Variants in TASOR observed in about 807,000 individuals in gnomAD.
The protein encoded by TASOR is transcription activation suppressor.
A neutral mutation model predicts 178.6 loss-of-function variants in TASOR; 53 were observed. The ratio of observed to expected loss-of-function variants is 0.30; its 90% CI spans 0.24 to 0.37. The LOEUF (loss-of-function observed/expected upper bound fraction) is 0.37. Among genes scored for constraint, TASOR ranks in the 10% least tolerant of loss-of-function variants. TASOR has a pLI of 1.00. For missense variants in TASOR, 1,815 were observed against 1,971.4 expected (o/e 0.92, Z 1.50); for synonymous variants, 713 against 696.2 (o/e 1.02, Z -0.38).
At chr3:56,642,883 G>A (rs2077155548) in intron 14 of TASOR, among the ~76,000 whole-genome samples, 3 of 152,156 alleles carry the variant, frequency 2.0e-5, no homozygotes, top group South Asian at 4.1e-4. Flanking sequence ...GGCTGAGGCA[G>A]GAGAATCACT....
rs2076343450 is a variant in TASOR, at chr3:56,620,669, G to T, written c.*2368C>A. ...ATTTGAAGACAAACAGGGTTACTAA[G>T]AGTTTTACATAAGTTATTTCTTTAG... On this transcript the variant is annotated 3_prime_UTR_variant, in exon 24 of 24. Transcript: ENST00000683822. 1 of 152,160 alleles carries T rather than the reference G, an allele frequency of 6.6e-6. No individual in the cohort carries two copies. The highest frequency in any genetic ancestry group is 1.5e-5 in the Non-Finnish European group (1 of 68,016). The allele number at this position is 152,160 out of a possible 1,614,324, so 9.4% of individuals were successfully genotyped here. A position where few individuals can be genotyped will look rare whatever the true frequency, so the allele number is the denominator to read the frequency against.
chr3:56,652,270 G>A (rs1315101477), intron 11 of TASOR, among the ~76,000 whole-genome samples: 1 of 152,120 alleles, frequency 6.6e-6, no homozygotes, highest in Non-Finnish European at 1.5e-5. Flanking sequence ...AAAAAACATA[G>A]AATTATATAC....
intron 13 of TASOR, among the ~76,000 whole-genome samples, chr3:56,647,951 C>G (rs1411056348): frequency 6.6e-6 from 1 of 152,276 alleles, no homozygotes; most frequent in Admixed American, 6.5e-5. Flanking sequence ...CTAATCCCAG[C>G]AGCTTGGGAG....
At chr3:56,673,558 G>T in intron 2 of TASOR, 22 bp downstream of exon 2, 1 of 1,503,952 alleles carries the variant, frequency 6.6e-7, no homozygotes. Flanking sequence ...CAATCTTACA[G>T]TAAGTATAAT....
In TASOR at chr3:56,649,060, G is replaced by A. The variant is rs1282893495; in HGVS notation, c.1369-3C>T. 1 of 1,597,232 alleles carries A rather than the reference G, an allele frequency of 6.3e-7. No homozygotes were observed. On this transcript the variant is annotated splice_region_variant and splice_polypyrimidine_tract_variant and intron_variant, in intron 11 of 23. Coordinates refer to ENST00000683822, the MANE Select transcript of TASOR (RefSeq NM_001365635.2). ...TCTCCCAAAGGTTTAACAAGAACCT[G>A]TATTTTGAGGGGAAGGAAGAAGTTG...
At chr3:56,682,575 T>C (rs566088792) in intron 1 of TASOR, 101 bp downstream of exon 1, 2 of 1,100,826 alleles carry the variant, frequency 1.8e-6, no homozygotes, top group Admixed American at 3.4e-5. Flanking sequence ...TGCATGCGTG[T>C]TTACGTATCT....
chr3:56,667,478 C>A (rs563013560), intron 6 of TASOR, among the ~76,000 whole-genome samples: 10 of 151,908 alleles, frequency 6.6e-5, no homozygotes, highest in African/African-American at 2.2e-4. Context: ...CATGGTGAAA[C>A]CCCATCTCTA....
chr3:56,620,252 G>A lies in TASOR; in HGVS notation c.*2785C>T, dbSNP rs556101726. ...ACAAATTCTTAGCAATGTGGCCCAC[G>A]CTTTTTAAAAAATTGACGTGTTGGC... On this transcript the variant is annotated 3_prime_UTR_variant, in exon 24 of 24. Coordinates refer to ENST00000683822, the MANE Select transcript of TASOR (RefSeq NM_001365635.2). The A allele has an allele frequency of 9.5e-5, 15 of 158,326 alleles. No homozygotes were observed. In the East Asian group the frequency reaches 2.5e-3, roughly 27 times the overall value. 9.8% of individuals were successfully genotyped at this position (158,326 alleles called of 1,614,324 possible).
At chr3:56,681,117 T>C (rs958319107) in intron 1 of TASOR, among the ~76,000 whole-genome samples, 7 of 151,196 alleles carry the variant, frequency 4.6e-5, no homozygotes, top group Non-Finnish European at 1.5e-5. Flanking sequence ...TCACGGTTTG[T>C]CCATATTCTT....
At chr3:56,628,125 T>A (rs181316687) in intron 19 of TASOR, among the ~76,000 whole-genome samples, 1 of 152,158 alleles carries the variant, frequency 6.6e-6, no homozygotes, top group African/African-American at 2.4e-5. Flanking sequence ...TAAGACTAGA[T>A]GGGATACCTC....
At chr3:56,666,842 G>A (rs1280860466) in intron 6 of TASOR, among the ~76,000 whole-genome samples, 3 of 152,128 alleles carry the variant, frequency 2.0e-5, no homozygotes, top group Non-Finnish European at 4.4e-5. Flanking sequence ...AAAAGAATCT[G>A]AACATAGGTG....
At chr3:56,652,122 C>A (rs980257960) in intron 11 of TASOR, among the ~76,000 whole-genome samples, 4 of 152,160 alleles carry the variant, frequency 2.6e-5, no homozygotes, top group Admixed American at 2.0e-4. Context: ...ATGTTCAGAG[C>A]AGATAAATCC....
intron 1 of TASOR, among the ~76,000 whole-genome samples, chr3:56,674,772 C>G (rs1322386917): frequency 6.6e-6 from 1 of 152,172 alleles, no homozygotes; most frequent in African/African-American, 2.4e-5. Flanking sequence ...ACATGCCACA[C>G]TAGACAACAC....
Position 56,623,031 on chromosome 3 carries a change from C to A in TASOR, c.*6G>T. 10 of 1,500,032 alleles carry A rather than the reference C, an allele frequency of 6.7e-6. No individual in the cohort carries two copies. Among genetic ancestry groups the A allele is most frequent in the Non-Finnish European group, 8.9e-6 (10 of 1,125,610 alleles). 92.9% of individuals were successfully genotyped at this position (1,500,032 alleles called of 1,614,324 possible). Reference sequence around the variant, plus strand: ...CAACAATCTCTTAAAAAAAAAGTTACTACAGTTATTTCTCTTGTGAATATG... The same window carrying A: ...CAACAATCTCTTAAAAAAAAAGTTAATACAGTTATTTCTCTTGTGAATATG... On this transcript the variant is annotated 3_prime_UTR_variant, in exon 24 of 24. Transcript: ENST00000683822.
chr3:56,653,710 T>C (rs1246770863), intron 11 of TASOR, among the ~76,000 whole-genome samples: 1 of 152,064 alleles, frequency 6.6e-6, no homozygotes. Flanking sequence ...AAATTTCAAA[T>C]AATCACCACC....
intron 17 of TASOR, among the ~76,000 whole-genome samples, chr3:56,635,605 AAAAC>A (rs2077000720): frequency 2.0e-5 from 3 of 151,706 alleles, no homozygotes; most frequent in African/African-American, 7.3e-5. Flanking sequence ...TGCATCTCAT[AAAAC>A]ATATGGGTTG....
Position 56,620,464 on chromosome 3 carries a change from G to C in TASOR, c.*2573C>G, listed in dbSNP as rs2076281324. ...CATCCCTTGGGCTTTAAAAAGAATGGCTGTAGTTAGTTTTGATTCACTATA... is the reference window on the plus strand; with the variant it reads ...CATCCCTTGGGCTTTAAAAAGAATGCCTGTAGTTAGTTTTGATTCACTATA... On this transcript the variant is annotated 3_prime_UTR_variant, in exon 24 of 24. Coordinates refer to ENST00000683822, the MANE Select transcript of TASOR (RefSeq NM_001365635.2). 6.6e-6 allele frequency: 1 copy of C among 152,350 alleles called. No individual in the cohort carries two copies. The highest frequency in any genetic ancestry group is 1.5e-5 in the Non-Finnish European group (1 of 68,178). The allele number at this position is 152,350 out of a possible 1,614,324, so 9.4% of individuals were successfully genotyped here.
intron 19 of TASOR, among the ~76,000 whole-genome samples, chr3:56,628,272 T>C (rs2100101652): frequency 6.6e-6 from 1 of 152,232 alleles, no homozygotes; most frequent in African/African-American, 2.4e-5. Context: ...AGTACTCTTA[T>C]TAGTCTTGAC....
intron 11 of TASOR, among the ~76,000 whole-genome samples, chr3:56,651,103 C>T (rs1214605631): frequency 6.6e-6 from 1 of 151,860 alleles, no homozygotes; most frequent in African/African-American, 2.4e-5. Flanking sequence ...TCCAGAAATC[C>T]ATGGAGTACA....
Sources: allele counts gnomAD v4.1 joint callset (sites outside exome capture counted in the v4.1 genomes callset), GRCh38; gene constraint gnomAD v4.1.1; transcripts MANE v1.5; gene names NCBI Gene and HGNC (gene_info 2026-07-23, HGNC 2026-07-21).